Variants in SHB observed in about 807,000 individuals in gnomAD.
SHB encodes the protein SH2 domain-containing adapter protein B.
In SHB, 20 loss-of-function variants were observed where a neutral mutation model predicts 52.3. That is an observed-to-expected ratio of 0.38 (90% CI 0.27 to 0.56). The LOEUF is 0.56. Among genes scored for constraint, SHB ranks in the 20% least tolerant of loss-of-function variants. The pLI is 0.71. For missense variants in SHB, 825 were observed against 723.3 expected, an observed-to-expected ratio of 1.14 and a Z score of -1.61; for synonymous variants, 397 against 316.5, an observed-to-expected ratio of 1.25 and a Z score of -2.70.
Position 37,928,394 on chromosome 9 carries a change from C to T in SHB, c.1347-8390G>A, listed in dbSNP as rs185413262. On this transcript the variant is annotated intron_variant, in intron 5 of 5. Coordinates refer to ENST00000377707, the MANE Select transcript of SHB (RefSeq NM_003028.3). ...TGATCTCTTCCTACTGAGGACAAGG[C>T]TATCTGAGCCCTTAGGCTCCTTAAA... Among the ~76,000 whole-genome samples the T allele has an allele frequency of 5.9e-5, 9 of 152,316 alleles. No homozygotes were observed. In the East Asian group the frequency reaches 1.7e-3, roughly 29 times the overall value.
chr9:37,931,101 C>A (rs933916695), intron 5 of SHB, among the ~76,000 whole-genome samples: 1 of 152,126 alleles, frequency 6.6e-6, no homozygotes, highest in Non-Finnish European at 1.5e-5. Context: ...TTCTATTACA[C>A]ACAAAAAATC....
chr9:38,040,701 G>C (rs1245854606), intron 1 of SHB, among the ~76,000 whole-genome samples: 7 of 152,184 alleles, frequency 4.6e-5, no homozygotes, highest in Admixed American at 2.6e-4. Context: ...AGTGAGGAAA[G>C]TGGCAGTCAA....
At chr9:38,010,224 A>AT (rs1564100989) in intron 2 of SHB, among the ~76,000 whole-genome samples, 1 of 152,182 alleles carries the variant, frequency 6.6e-6, no homozygotes, top group African/African-American at 2.4e-5. Context: ...ATAGGCGAGG[A>AT]TTAAGTGAGC....
chr9:38,032,529 T>G (rs1821428253), intron 1 of SHB, among the ~76,000 whole-genome samples: 1 of 152,188 alleles, frequency 6.6e-6, no homozygotes, highest in Admixed American at 6.5e-5. Flanking sequence ...GACAACTCCC[T>G]TAAGTCAGCT....
At chr9:37,921,620 G>C (rs1490011192) in intron 5 of SHB, among the ~76,000 whole-genome samples, 1 of 152,136 alleles carries the variant, frequency 6.6e-6, no homozygotes, top group Admixed American at 6.5e-5. Context: ...TTTTAAGGCT[G>C]GCAATGTTCT....
chr9:38,009,272 G>C (rs565796145), intron 2 of SHB, among the ~76,000 whole-genome samples: 2 of 152,232 alleles, frequency 1.3e-5, no homozygotes, highest in Non-Finnish European at 2.9e-5. Context: ...TTTTGGGAGG[G>C]GCTGAGGCTG....
chr9:38,040,308 CAG>C (rs1298333551), intron 1 of SHB, among the ~76,000 whole-genome samples: 11 of 152,202 alleles, frequency 7.2e-5, no homozygotes, highest in African/African-American at 1.4e-4. Flanking sequence ...AAGGGTAAGA[CAG>C]AGATGATGGT....
chr9:37,967,688 C>G (rs1362340812), intron 3 of SHB, among the ~76,000 whole-genome samples: 1 of 152,224 alleles, frequency 6.6e-6, no homozygotes, highest in Non-Finnish European at 1.5e-5. Flanking sequence ...GTTGGAAATG[C>G]AAACTCCCAT....
At chr9:38,020,689 T>A (rs1306785005) in intron 1 of SHB, among the ~76,000 whole-genome samples, 1 of 151,998 alleles carries the variant, frequency 6.6e-6, no homozygotes, top group Non-Finnish European at 1.5e-5. Context: ...TACCAAAATC[T>A]CACAAATCAC....
chr9:37,930,984 T>G (rs1021553180), intron 5 of SHB, among the ~76,000 whole-genome samples: 5 of 152,194 alleles, frequency 3.3e-5, no homozygotes, highest in African/African-American at 9.6e-5. Context: ...CAACTAATTT[T>G]TGATGAGGGT....
intron 5 of SHB, among the ~76,000 whole-genome samples, chr9:37,946,733 G>A (rs1400687460): frequency 2.0e-5 from 3 of 152,126 alleles, no homozygotes; most frequent in Non-Finnish European, 4.4e-5. Context: ...TGATCCTTTC[G>A]TGGAGGCCCC....
intron 3 of SHB, among the ~76,000 whole-genome samples, chr9:37,960,630 C>T (rs1832683621): frequency 6.6e-6 from 1 of 152,160 alleles, no homozygotes; most frequent in Non-Finnish European, 1.5e-5. Context: ...TCCTTGAGAC[C>T]CAGCTCAAGT....
chr9:37,970,665 C>T (rs548420843), intron 3 of SHB, among the ~76,000 whole-genome samples: 2 of 152,180 alleles, frequency 1.3e-5, no homozygotes, highest in Non-Finnish European at 2.9e-5. Flanking sequence ...AGCCTGGATG[C>T]ATACCCAGAG....
At chr9:38,014,710 T>C (rs1226792292) in intron 2 of SHB, among the ~76,000 whole-genome samples, 2 of 152,204 alleles carry the variant, frequency 1.3e-5, no homozygotes, top group African/African-American at 4.8e-5. Context: ...AGTGGCTAAG[T>C]GTTCTGGAGG....
At chr9:37,972,568 C>A (rs969512082) in intron 3 of SHB, among the ~76,000 whole-genome samples, 16 of 152,160 alleles carry the variant, frequency 1.1e-4, no homozygotes, top group African/African-American at 3.9e-4. Flanking sequence ...GTGATGTATG[C>A]AGGAAACTCG....
At chr9:37,998,186 T>A (rs1443555123) in intron 2 of SHB, among the ~76,000 whole-genome samples, 1 of 131,348 alleles carries the variant, frequency 7.6e-6, no homozygotes, top group African/African-American at 2.8e-5. Flanking sequence ...AAGGCACCAG[T>A]GGCCGGGAGC....
Position 38,068,179 on chromosome 9 carries a change from G to C in SHB, c.467C>G (p.Ser156Cys), listed in dbSNP as rs781249635. 46 of 1,413,740 alleles carry C rather than the reference G, an allele frequency of 3.3e-5. No homozygotes were observed. Among genetic ancestry groups the C allele is most frequent in the Middle Eastern group, 2.4e-4 (1 of 4,116 alleles). The allele number at this position is 1,413,740 out of a possible 1,614,324, so 87.6% of individuals were successfully genotyped here. ...GCTGCGGTAGAGATGCGGAGAGCCG[G>C]AGGACGAGGACGAGGACGCGGCGGC... is the stretch of plus-strand genomic sequence containing the variant. ...AGAAASSSSS[S>C]GSPHLYRSSS... The change falls in exon 1 of 6, where the codon TCC (serine) becomes TGC (cysteine). Residue 156 changes from serine to cysteine, a missense_variant. Ser to Cys is a moderately radical substitution (Grantham distance 112, BLOSUM62 -1). Transcript: ENST00000377707.
chr9:38,027,927 G>T (rs1275399809), intron 1 of SHB, among the ~76,000 whole-genome samples: 2 of 149,184 alleles, frequency 1.3e-5, no homozygotes, highest in African/African-American at 4.9e-5. Context: ...TGAGCCAAGA[G>T]GTCTCTTCTG....
chr9:38,052,543 C>T (rs577186211), intron 1 of SHB, among the ~76,000 whole-genome samples: 25 of 152,328 alleles, frequency 1.6e-4, no homozygotes, highest in Non-Finnish European at 1.9e-4. Context: ...TGAGAGCTGC[C>T]TGAGCAGTCA....
Sources: allele counts gnomAD v4.1 joint callset (sites outside exome capture counted in the v4.1 genomes callset), GRCh38; gene constraint gnomAD v4.1.1; transcripts MANE v1.5; gene names NCBI Gene and HGNC (gene_info 2026-07-23, HGNC 2026-07-21).